Variants in COCH observed in about 807,000 individuals in gnomAD.
COCH encodes the protein cochlin.
A neutral mutation model predicts 54.8 loss-of-function variants in COCH; 40 were observed. The ratio of observed to expected loss-of-function variants is 0.73; its 90% CI spans 0.57 to 0.95. The LOEUF (loss-of-function observed/expected upper bound fraction) is 0.95, where lower values mean the gene tolerates loss of function less well. Among genes scored for constraint, COCH ranks in the 40% least tolerant of loss-of-function variants. The pLI is 0.00. For missense variants in COCH, 605 were observed against 675.0 expected (o/e 0.90, Z 1.15); for synonymous variants, 256 against 237.9 (o/e 1.08, Z -0.70).
chr14:30,890,391 A>G lies in COCH; in HGVS notation c.*600A>G, dbSNP rs374727844. ...CTTATGACTAAAAATATCACACTGA[A>G]TAAGAGAGCAGGATTGCCAGGTATT... On this transcript the variant is annotated 3_prime_UTR_variant, in exon 12 of 12. Transcript: ENST00000396618. 2.6e-5 allele frequency: 26 copies of G among 984,916 alleles called. No individual in the cohort carries two copies. In the East Asian group the frequency reaches 4.5e-4, roughly 17 times the overall value. The allele number at this position is 984,916 out of a possible 1,614,324, so 61.0% of individuals were successfully genotyped here.
At position 30,877,511 on chromosome 14, in the gene COCH, C is replaced by T; in HGVS notation, c.83-61C>T. ...AACTTAAATCTCACACTGTAGTCTC[C>T]CCACCACTATGCCCCAAGAAGTCCT... is the stretch of plus-strand genomic sequence containing the variant. On this transcript the variant is annotated intron_variant, in intron 3 of 11. Transcript: ENST00000396618. This position sits in a 1 kb window ranked among gnomAD's most constrained non-coding sequence, Gnocchi z 8.6. 8.1e-6 allele frequency: 13 copies of T among 1,598,396 alleles called. No individual in the cohort carries two copies. Among genetic ancestry groups the T allele is most frequent in the Non-Finnish European group, 1.1e-5 (13 of 1,170,704 alleles).
chr14:30,894,177 T>G (rs1405865645), downstream of COCH: 3 of 152,470 alleles, frequency 2.0e-5, no homozygotes, highest in East Asian at 5.8e-4. Context: ...CACAGCAGAT[T>G]TCTGTATCCT....
At position 30,889,848 on chromosome 14, in the gene COCH, T is replaced by A. The variant is rs550166243; in HGVS notation, c.*57T>A. Reference sequence around the variant, plus strand: ...ACAAGGGGATCCAGTGTGTAAATTGTATTCTCATAATACTGAAATGCTTTA... The same window carrying A: ...ACAAGGGGATCCAGTGTGTAAATTGAATTCTCATAATACTGAAATGCTTTA... On this transcript the variant is annotated 3_prime_UTR_variant, in exon 12 of 12. Coordinates refer to ENST00000396618, the MANE Select transcript of COCH (RefSeq NM_004086.3). The A allele has an allele frequency of 4.7e-5, 74 of 1,576,196 alleles. No homozygotes were observed. Among genetic ancestry groups the A allele is most frequent in the Non-Finnish European group, 5.9e-5 (68 of 1,158,776 alleles).
At chr14:30,884,890 T>G in intron 9 of COCH, 1 of 1,579,758 alleles carries the variant, frequency 6.3e-7, no homozygotes, top group Non-Finnish European at 8.5e-7. Context: ...TTTAGAATTC[T>G]CATACATTGG....
In COCH at chr14:30,885,401, C is replaced by T; in HGVS notation, c.741C>T (p.Ala247=). The change falls in exon 10 of 12, where the codon GCC becomes GCT. Residue 247 remains alanine (A), a synonymous_variant. Transcript: ENST00000396618. ...FRGGNSNTGK[A]LKHTAQKFFT... is the part of the protein sequence containing the mutation. ...CTTCTTTTTCAAATTTAGGAAAAGC[C>T]TTGAAGCATACTGCTCAGAAATTCT... is the stretch of plus-strand genomic sequence containing the variant. 1 of 1,613,290 alleles carries T rather than the reference C, an allele frequency of 6.2e-7. No homozygotes were observed. Among genetic ancestry groups the T allele is most frequent in the Non-Finnish European group, 8.5e-7 (1 of 1,179,260 alleles).
intron 11 of COCH, among the ~76,000 whole-genome samples, chr14:30,888,960 A>T (rs539267564): frequency 6.6e-6 from 1 of 152,308 alleles, no homozygotes; most frequent in African/African-American, 2.4e-5. Flanking sequence ...CTCCAGTTTC[A>T]TAAGATCCCT....
chr14:30,884,907 T>A lies in COCH; in HGVS notation c.733+251T>A. The A allele has an allele frequency of 1.9e-6, 3 of 1,593,732 alleles. No individual in the cohort carries two copies. In the East Asian group the frequency reaches 6.7e-5, roughly 36 times the overall value. ...TAGAATTCTCATACATTGGATTGAC[T>A]AGATATAACATTGGAGAAGTATCTC... On this transcript the variant is annotated intron_variant, in intron 9 of 11. Transcript: ENST00000396618.
chr14:30,880,667 G>A lies in COCH; in HGVS notation c.562G>A (p.Val188Ile). 1 of 1,614,048 alleles carries A rather than the reference G, an allele frequency of 6.2e-7. No individual in the cohort carries two copies. Among genetic ancestry groups the A allele is most frequent in the Non-Finnish European group, 8.5e-7 (1 of 1,179,978 alleles). ...CCGATTTAATTTACAGAAGAATTTT[G>A]TTGGAAAAGTGGCTCTAATGTTGGG... ...QRRFNLQKNF[V>I]GKVALMLGIG... Residue 188 changes from valine (V) to isoleucine (I), a missense_variant, in exon 8 of 12, where the codon GTT becomes ATT. Val to Ile is a conservative substitution (Grantham distance 29). Transcript: ENST00000396618.
downstream of COCH, among the ~76,000 whole-genome samples, chr14:30,891,194 A>ATGCT (rs1296321744): frequency 6.6e-6 from 1 of 152,216 alleles, no homozygotes; most frequent in African/African-American, 2.4e-5. Flanking sequence ...TTACTTAAAA[A>ATGCT]TGCTTGTGAA....
chr14:30,878,643 C>G (rs1053012618), intron 4 of COCH, among the ~76,000 whole-genome samples, 168 bp from the exon 5 acceptor site: 1 of 152,058 alleles, frequency 6.6e-6, no homozygotes, highest in Non-Finnish European at 1.5e-5. Flanking sequence ...GGCTACAGAG[C>G]GAGACGCCAT....
chr14:30,884,602 G>A lies in COCH; in HGVS notation c.679G>A (p.Asp227Asn), dbSNP rs773061827. The A allele has an allele frequency of 1.7e-5, 28 of 1,613,740 alleles. No homozygotes were observed. Among genetic ancestry groups the A allele is most frequent in the Non-Finnish European group, 1.8e-5 (21 of 1,179,856 alleles). Residue 227 changes from aspartate to asparagine, a missense_variant, in exon 9 of 12, where the codon GAT becomes AAT. Coordinates refer to ENST00000396618, the MANE Select transcript of COCH (RefSeq NM_004086.3). ...CTTGAAAAACTTTACATCAGCCAAA[G>A]ATGTTTTGTTTGCCATAAAGGAAGT... ...FYLKNFTSAK[D>N]VLFAIKEVGF...
chr14:30,889,505 G>A (rs1895909335), intron 11 of COCH, 111 bp from the exon 12 acceptor site: 1 of 916,654 alleles, frequency 1.1e-6, no homozygotes. Flanking sequence ...CCAGAAATTA[G>A]TAAGCAGTTT....
chr14:30,883,935 A>G (rs772727348), intron 8 of COCH, among the ~76,000 whole-genome samples: 3 of 152,220 alleles, frequency 2.0e-5, no homozygotes, highest in Non-Finnish European at 4.4e-5. Context: ...CTTTAAAAAA[A>G]TGTTGACGGT....
chr14:30,885,035 C>T, intron 9 of COCH: 1 of 1,597,686 alleles, frequency 6.3e-7, no homozygotes, highest in South Asian at 1.1e-5. Flanking sequence ...AGAGAGACTT[C>T]TTAGAGGTAC....
chr14:30,882,885 T>C (rs2138863869), intron 8 of COCH, among the ~76,000 whole-genome samples: 1 of 152,178 alleles, frequency 6.6e-6, no homozygotes, highest in South Asian at 2.1e-4. Context: ...AAAGACCCCA[T>C]CTCTAAAAAA....
chr14:30,881,805 A>G (rs917808944), intron 8 of COCH, among the ~76,000 whole-genome samples: 1 of 150,722 alleles, frequency 6.6e-6, no homozygotes, highest in Non-Finnish European at 1.5e-5. Context: ...AAAAATACAA[A>G]AAAAAAAAAT....
At chr14:30,895,585 A>G, downstream of COCH, 2 of 1,610,716 alleles carry the variant, frequency 1.2e-6, no homozygotes, top group Non-Finnish European at 1.7e-6. Context: ...CATGGCCTGT[A>G]AAAGAACAAA....
chr14:30,882,120 G>GTTTTTTTTTTTTTTGTTTGTTT (rs1895620133), intron 8 of COCH, among the ~76,000 whole-genome samples: 3 of 67,894 alleles, frequency 4.4e-5, no homozygotes, highest in African/African-American at 2.0e-4. Flanking sequence ...CTATAAAATG[G>GTTTTTTTTTTTTTTGTTTGTTT]TTTTTTTTTT....
downstream of COCH, among the ~76,000 whole-genome samples, chr14:30,891,501 A>T (rs555520933): frequency 6.6e-6 from 1 of 152,336 alleles, no homozygotes; most frequent in South Asian, 2.1e-4. Context: ...CACTACATAA[A>T]AATTTGAATT....
Sources: gnomAD v4.1 joint callset for allele counts (sites outside exome capture counted in the v4.1 genomes callset) on GRCh38, gnomAD v4.1.1 for gene constraint, Gnocchi (gnomAD v3.1) non-coding constraint, MANE v1.5 for transcripts, NCBI Gene and HGNC (gene_info 2026-07-23, HGNC 2026-07-21) for gene names.